GHR: variants seen among roughly 807,000 people sequenced by gnomAD.
The protein encoded by GHR is GH receptor.
A neutral mutation model predicts 67.1 loss-of-function variants in GHR; 35 were observed. That is an observed-to-expected ratio of 0.52 (90% CI 0.40 to 0.69). The LOEUF is 0.69. Among genes scored for constraint, GHR ranks in the 30% least tolerant of loss-of-function variants. The pLI is 0.00. For synonymous variants in GHR, 272 were observed against 269.1 expected (o/e 1.01, Z -0.10); for missense variants, 792 against 764.6 (o/e 1.04, Z -0.42).
At position 42,538,136 on chromosome 5, in the gene GHR, A is replaced by G. The variant is rs369095410; in HGVS notation, c.-11-27728A>G. ...CTGCTGTTCTGTATCTTTTAAGTGG[A>G]GCATTTAGGGCATTTACATTCAATG... is the stretch of plus-strand genomic sequence containing the variant. On this transcript the variant is annotated intron_variant, in intron 1 of 9. Coordinates refer to ENST00000230882, the MANE Select transcript of GHR (RefSeq NM_000163.5). Among the ~76,000 whole-genome samples, 452 of 152,202 alleles carry G rather than the reference A, an allele frequency of 3.0e-3. 2 individuals are homozygous for G. The highest frequency in any genetic ancestry group is 0.011 in the African/African-American group (440 of 41,522).
intron 1 of GHR, among the ~76,000 whole-genome samples, chr5:42,441,892 C>T (rs892446678): frequency 6.6e-6 from 1 of 151,954 alleles, no homozygotes; most frequent in Admixed American, 6.6e-5. Flanking sequence ...CAGGGGTGGC[C>T]TGAAGATAGA....
At chr5:42,584,822 T>G (rs950234229) in intron 2 of GHR, among the ~76,000 whole-genome samples, 2 of 151,850 alleles carry the variant, frequency 1.3e-5, no homozygotes, top group Non-Finnish European at 2.9e-5. Context: ...CACACGTGCA[T>G]GTACAGAACT....
chr5:42,452,988 A>C (rs1744114429), intron 1 of GHR, among the ~76,000 whole-genome samples: 2 of 151,860 alleles, frequency 1.3e-5, no homozygotes, highest in Admixed American at 1.3e-4. Context: ...TATTACCAGA[A>C]TTACTTTTCT....
At chr5:42,716,768 G>A (rs1235260511) in intron 8 of GHR, among the ~76,000 whole-genome samples, 1 of 152,088 alleles carries the variant, frequency 6.6e-6, no homozygotes, top group Non-Finnish European at 1.5e-5. Context: ...TTATAAAATG[G>A]ATTTTTGCTT....
chr5:42,627,139 C>G lies in GHR; in HGVS notation c.71-1899C>G, dbSNP rs371531244. Among the ~76,000 whole-genome samples the G allele has an allele frequency of 6.6e-5, 10 of 152,252 alleles. No individual in the cohort carries two copies. The South Asian group carries it at 1.2e-3, about 19-fold the overall frequency. On this transcript the variant is annotated intron_variant, in intron 2 of 9. Transcript: ENST00000230882. Reference sequence around the variant, plus strand: ...TGTTTCTCTCATGTTGAGCTTTTCACCTCCCTTCATTCCCTCCCTACTTCC... The same window carrying G: ...TGTTTCTCTCATGTTGAGCTTTTCAGCTCCCTTCATTCCCTCCCTACTTCC...
At chr5:42,658,679 G>C (rs1755393619) in intron 3 of GHR, among the ~76,000 whole-genome samples, 1 of 152,084 alleles carries the variant, frequency 6.6e-6, no homozygotes, top group African/African-American at 2.4e-5. Context: ...GCAATGTCTA[G>C]AGACATTTTA....
At chr5:42,532,489 G>A (rs774239407) in intron 1 of GHR, among the ~76,000 whole-genome samples, 1 of 151,970 alleles carries the variant, frequency 6.6e-6, no homozygotes, top group Non-Finnish European at 1.5e-5. Flanking sequence ...GCTGTTATTC[G>A]TAAAGAAACA....
At chr5:42,536,335 C>T (rs1748255651) in intron 1 of GHR, among the ~76,000 whole-genome samples, 1 of 151,890 alleles carries the variant, frequency 6.6e-6, no homozygotes, top group African/African-American at 2.4e-5. Flanking sequence ...TGAGGTATGC[C>T]CCTTGTATGC....
At chr5:42,474,614 A>T (rs539396115) in intron 1 of GHR, among the ~76,000 whole-genome samples, 185 of 152,268 alleles carry the variant, frequency 1.2e-3, no homozygotes, top group African/African-American at 4.3e-3. Flanking sequence ...TACTGTTTGA[A>T]CAACAACAAC....
chr5:42,654,892 A>G (rs1031642880), intron 3 of GHR, among the ~76,000 whole-genome samples: 2 of 152,128 alleles, frequency 1.3e-5, no homozygotes, highest in Non-Finnish European at 2.9e-5. Flanking sequence ...GATTGCAGCC[A>G]CTTGGCAAGG....
At chr5:42,526,481 G>A (rs891357564) in intron 1 of GHR, among the ~76,000 whole-genome samples, 2 of 152,222 alleles carry the variant, frequency 1.3e-5, no homozygotes, top group African/African-American at 2.4e-5. Context: ...GCTAAGATCA[G>A]TGATGAAGAT....
chr5:42,450,458 T>C (rs1743997950), intron 1 of GHR, among the ~76,000 whole-genome samples: 1 of 152,180 alleles, frequency 6.6e-6, no homozygotes, highest in African/African-American at 2.4e-5. Flanking sequence ...ATTTCTGTGA[T>C]ATCGGTTGCA....
intron 1 of GHR, among the ~76,000 whole-genome samples, chr5:42,439,563 A>G (rs1205265804): frequency 1.3e-5 from 2 of 152,190 alleles, no homozygotes; most frequent in Non-Finnish European, 2.9e-5. Context: ...TTTGTATAAG[A>G]CTTTGGGATA....
At chr5:42,585,691 C>A (rs1269883631) in intron 2 of GHR, among the ~76,000 whole-genome samples, 1 of 151,924 alleles carries the variant, frequency 6.6e-6, no homozygotes, top group East Asian at 1.9e-4. Context: ...CTTGAAGTTT[C>A]AGGATTCCAA....
intron 1 of GHR, among the ~76,000 whole-genome samples, chr5:42,529,999 CTTTTTTTTT>C (rs376534691): frequency 3.5e-5 from 2 of 57,588 alleles, no homozygotes; most frequent in East Asian, 5.4e-4. Flanking sequence ...TGAATCACTT[CTTTTTTTTT>C]TTTTTTTTTT....
intron 1 of GHR, among the ~76,000 whole-genome samples, chr5:42,487,969 C>T (rs1390061377): frequency 6.6e-6 from 1 of 152,178 alleles, no homozygotes; most frequent in African/African-American, 2.4e-5. Context: ...GAACTGAGGA[C>T]AGCTGCTCAT....
At chr5:42,663,176 C>G (rs373980450) in intron 3 of GHR, among the ~76,000 whole-genome samples, 2 of 152,182 alleles carry the variant, frequency 1.3e-5, no homozygotes, top group South Asian at 2.1e-4. Context: ...CAAGGAGGAA[C>G]TGGTACCATT....
intron 1 of GHR, among the ~76,000 whole-genome samples, chr5:42,497,414 C>G (rs1746365617): frequency 6.6e-6 from 1 of 152,156 alleles, no homozygotes; most frequent in African/African-American, 2.4e-5. Flanking sequence ...AGCTCTCTGG[C>G]TGTTTCATGG....
chr5:42,706,182 C>A (rs1009952747), intron 6 of GHR, among the ~76,000 whole-genome samples: 1 of 151,924 alleles, frequency 6.6e-6, no homozygotes, highest in East Asian at 1.9e-4. Context: ...CTTGTTGGCT[C>A]ATGTTTGTGT....
Sources: allele counts gnomAD v4.1 joint callset (sites outside exome capture counted in the v4.1 genomes callset), GRCh38; gene constraint gnomAD v4.1.1; transcripts MANE v1.5; gene names NCBI Gene and HGNC (gene_info 2026-07-23, HGNC 2026-07-21).